The following NXN variants were observed in gnomAD, a reference collection of about 807,000 sequenced individuals.
NXN encodes nucleoredoxin.
NXN carries 16 observed loss-of-function variants against 48.6 expected under a neutral mutation model. That is an observed-to-expected ratio of 0.33 (90% CI 0.22 to 0.50). The LOEUF (loss-of-function observed/expected upper bound fraction) is 0.50, where lower values mean the gene tolerates loss of function less well. Ranked by LOEUF, NXN falls within the 20% of genes least tolerant of loss-of-function variation. The pLI, the probability that NXN is intolerant of heterozygous loss-of-function variation, is 0.98. For missense variants in NXN, 492 were observed against 605.5 expected (o/e 0.81, Z 1.97); for synonymous variants, 281 against 269.6 (o/e 1.04, Z -0.41).
In NXN at chr17:945,230, C is replaced by T. The variant is rs563044427; in HGVS notation, c.360+34089G>A. ...CCGAGTAGCTGGGACTACAGGCGCC[C>T]GCCACCACGCCCGGCTAATTTTTGT... On this transcript the variant is annotated intron_variant, in intron 1 of 7. Coordinates refer to ENST00000336868, the MANE Select transcript of NXN (RefSeq NM_022463.5). 1.7e-3 allele frequency among the ~76,000 whole-genome samples: 265 copies of T among 151,616 alleles called. 2 individuals carry two copies. The highest frequency in any genetic ancestry group is 6.1e-3 in the African/African-American group (251 of 41,412).
Position 954,898 on chromosome 17 carries a change from C to T in NXN, c.360+24421G>A, listed in dbSNP as rs112124945. Among the ~76,000 whole-genome samples, 1,430 of 152,346 alleles carry T rather than the reference C, an allele frequency of 9.4e-3. 22 individuals carry two copies. The highest frequency in any genetic ancestry group is 0.033 in the African/African-American group (1,378 of 41,580). ...ATATTTCAGCGCTGGTATTCCCCCT[C>T]TTAAGAGCTCTGAGCTGTTGTCCAG... On this transcript the variant is annotated intron_variant, in intron 1 of 7. Transcript: ENST00000336868.
Position 974,486 on chromosome 17 carries a change from C to A in NXN, c.360+4833G>T, listed in dbSNP as rs577868071. On this transcript the variant is annotated intron_variant, in intron 1 of 7. Transcript: ENST00000336868. ...AACTTAATGATCATTTATCTAAACA[C>A]AATAATAGCATTTATTGAGCACTCA... 3.3e-5 allele frequency among the ~76,000 whole-genome samples: 5 copies of A among 151,964 alleles called. No homozygotes were observed. In the South Asian group the frequency reaches 1.0e-3, roughly 31 times the overall value.
Position 800,728 on chromosome 17 carries a change from C to T in NXN, c.*221G>A. 5.3e-6 allele frequency: 2 copies of T among 379,888 alleles called. No individual in the cohort carries two copies. The highest frequency in any genetic ancestry group is 9.3e-6 in the Non-Finnish European group (2 of 213,940). 23.5% of individuals were successfully genotyped at this position (379,888 alleles called of 1,614,324 possible). The stretch of plus-strand genomic sequence containing the variant: ...TGGCCGGGCCCCCGGCCATCCCGTG[C>T]TCCCAAACAGAGTCTCCAAACACGG... On this transcript the variant is annotated 3_prime_UTR_variant, in exon 8 of 8. Coordinates refer to ENST00000336868, the MANE Select transcript of NXN (RefSeq NM_022463.5).
chr17:919,496 G>C lies in NXN; in HGVS notation c.360+59823C>G, dbSNP rs1407343784. ...TATTGTAACACGAGGAAAAAGCCCT[G>C]TAATCTCAGCACAACCAGAAATTAA... On this transcript the variant is annotated intron_variant, in intron 1 of 7. Coordinates refer to ENST00000336868, the MANE Select transcript of NXN (RefSeq NM_022463.5). This position sits in a 1 kb window ranked among gnomAD's most constrained non-coding sequence, Gnocchi z 5.1. Among the ~76,000 whole-genome samples, 4 of 152,188 alleles carry C rather than the reference G, an allele frequency of 2.6e-5. No homozygotes were observed. The highest frequency in any genetic ancestry group is 2.6e-4 in the Admixed American group (4 of 15,278).
chr17:811,362 C>T (rs1255430482), intron 5 of NXN, among the ~76,000 whole-genome samples: 6 of 152,222 alleles, frequency 3.9e-5, no homozygotes, highest in Non-Finnish European at 4.4e-5. Context: ...CAAAGAGTGC[C>T]GTGCTCCCTG....
chr17:817,635 C>G (rs959008337), intron 5 of NXN, among the ~76,000 whole-genome samples: 2 of 149,690 alleles, frequency 1.3e-5, no homozygotes, highest in South Asian at 2.1e-4. Context: ...CGCCACTGCA[C>G]TCCAGCCAGG....
chr17:877,833 G>A (rs1380416659), intron 1 of NXN: 1 of 152,328 alleles, frequency 6.6e-6, no homozygotes, highest in East Asian at 1.9e-4. Context: ...AGTGGGATAG[G>A]GCGAGGCATC....
chr17:863,886 C>T (rs1317508087), intron 1 of NXN: 1 of 1,296,184 alleles, frequency 7.7e-7, no homozygotes, highest in African/African-American at 1.5e-5. Context: ...CCACTGCTTA[C>T]ACAGAGCTCT....
intron 1 of NXN, chr17:907,738 G>C (rs567930245): frequency 6.2e-5 from 6 of 97,380 alleles, no homozygotes; most frequent in Non-Finnish European, 1.4e-4. Context: ...TGTCGGATCT[G>C]TAGGATTCTC....
At chr17:878,736 G>T (rs1169941542) in intron 1 of NXN, among the ~76,000 whole-genome samples, 1 of 152,120 alleles carries the variant, frequency 6.6e-6, no homozygotes, top group South Asian at 2.1e-4. Flanking sequence ...CCAGTGAATG[G>T]GGGGAAATGA....
intron 1 of NXN, among the ~76,000 whole-genome samples, chr17:885,176 A>G (rs1201396527): frequency 1.3e-5 from 2 of 152,190 alleles, no homozygotes; most frequent in Non-Finnish European, 2.9e-5. Context: ...AAGACTCAAC[A>G]TATGCGGCCG....
rs899221101 is a variant in NXN at position 917,438 on chromosome 17, C to G, written c.360+61881G>C. ...CTCTGAAAGAACAGGCGGGAGCCGC[C>G]GCTCACATCTTTACTCATGAACCTA... On this transcript the variant is annotated intron_variant, in intron 1 of 7. Coordinates refer to ENST00000336868, the MANE Select transcript of NXN (RefSeq NM_022463.5). The surrounding 1 kb of genome is among the most constrained non-coding windows in gnomAD (Gnocchi z 4.5). 6.6e-6 allele frequency among the ~76,000 whole-genome samples: 1 copy of G among 152,212 alleles called. No homozygotes were observed. The highest frequency in any genetic ancestry group is 1.5e-5 in the Non-Finnish European group (1 of 68,036).
chr17:893,355 CAG>C (rs2068443762), intron 1 of NXN, among the ~76,000 whole-genome samples: 1 of 152,256 alleles, frequency 6.6e-6, no homozygotes, highest in Non-Finnish European at 1.5e-5. Context: ...AGGCTGGAGA[CAG>C]AGGCCTAATC....
In NXN at chr17:917,060, T is replaced by C. The variant is rs571543144; in HGVS notation, c.360+62259A>G. The stretch of plus-strand genomic sequence containing the variant: ...ATTCCCTGTGTGTCCTGTTCTGTTA[T>C]ACATGCTGAAGCTACAAATCAAACA... On this transcript the variant is annotated intron_variant, in intron 1 of 7. Coordinates refer to ENST00000336868, the MANE Select transcript of NXN (RefSeq NM_022463.5). The surrounding 1 kb of genome is among the most constrained non-coding windows in gnomAD (Gnocchi z 4.5). 1.3e-5 allele frequency among the ~76,000 whole-genome samples: 2 copies of C among 152,234 alleles called. No individual in the cohort carries two copies. Among genetic ancestry groups the C allele is most frequent in the South Asian group, 2.1e-4 (1 of 4,836 alleles).
intron 1 of NXN, among the ~76,000 whole-genome samples, chr17:915,235 G>C (rs117346690): frequency 0.019 from 2,949 of 152,106 alleles, 38 homozygotes; most frequent in Admixed American, 0.026. Context: ...CACCCGGCCA[G>C]TTGAGGATTT....
At chr17:832,465 G>A (rs546563780) in intron 1 of NXN, among the ~76,000 whole-genome samples, 6 of 152,090 alleles carry the variant, frequency 3.9e-5, no homozygotes, top group East Asian at 1.9e-4. Context: ...GATGACAGGC[G>A]TGAGCCACCA....
chr17:822,464 G>C lies in NXN; in HGVS notation c.613-7C>G, dbSNP rs199886202. ...GGCTTCGGCAGGGCGGACACTGAAAGACAGGACAGCAAGACCCGCTGCGTC... is the reference window on the plus strand; with the variant it reads ...GGCTTCGGCAGGGCGGACACTGAAACACAGGACAGCAAGACCCGCTGCGTC... On this transcript the variant is annotated splice_region_variant and splice_polypyrimidine_tract_variant and intron_variant, in intron 3 of 7. Coordinates refer to ENST00000336868, the MANE Select transcript of NXN (RefSeq NM_022463.5). The C allele has an allele frequency of 1.6e-5, 25 of 1,609,876 alleles. No individual in the cohort carries two copies. In the Admixed American group the frequency reaches 4.2e-4, roughly 27 times the overall value.
intron 1 of NXN, among the ~76,000 whole-genome samples, chr17:833,918 G>A (rs76889234): frequency 5.9e-5 from 9 of 152,106 alleles, no homozygotes; most frequent in South Asian, 2.1e-4. Context: ...CACTCTCCCC[G>A]CTCTCCCACT....
rs2068733991 is a variant in NXN at position 920,359 on chromosome 17, C to T, written c.360+58960G>A. On this transcript the variant is annotated intron_variant, in intron 1 of 7. Transcript: ENST00000336868. This position sits in a 1 kb window ranked among gnomAD's most constrained non-coding sequence, Gnocchi z 4.6. ...GCCGATGAGGTGCCCATGTGGCTCT[C>T]CTCCCAGCCCCGAGCGCCTGGGGAT... is the stretch of plus-strand genomic sequence containing the variant. 6.6e-6 allele frequency among the ~76,000 whole-genome samples: 1 copy of T among 152,152 alleles called. No homozygotes were observed. Among genetic ancestry groups the T allele is most frequent in the Non-Finnish European group, 1.5e-5 (1 of 68,032 alleles).
Sources: gnomAD v4.1 joint callset for allele counts (sites outside exome capture counted in the v4.1 genomes callset) on GRCh38, gnomAD v4.1.1 for gene constraint, Gnocchi (gnomAD v3.1) non-coding constraint, MANE v1.5 for transcripts, NCBI Gene and HGNC (gene_info 2026-07-23, HGNC 2026-07-21) for gene names.